Variants in IMMP2L observed in about 807,000 individuals in gnomAD.
The protein encoded by IMMP2L is mitochondrial inner membrane protease subunit 2.
In IMMP2L, 18 loss-of-function variants were observed where a neutral mutation model predicts 19.3. The observed-to-expected ratio is 0.93, with a 90% CI of 0.64 to 1.38. The LOEUF is 1.38. Among genes scored for constraint, IMMP2L ranks in the 40% most tolerant of loss-of-function variants. IMMP2L has a pLI of 0.00. For synonymous variants in IMMP2L, 76 were observed against 73.0 expected (o/e 1.04, Z -0.21); for missense variants, 233 against 218.2 (o/e 1.07, Z -0.43).
chr7:110,778,591 C>G (rs1374400485), intron 5 of IMMP2L, among the ~76,000 whole-genome samples: 1 of 151,938 alleles, frequency 6.6e-6, no homozygotes, highest in Non-Finnish European at 1.5e-5. Context: ...TCAGAAAGCT[C>G]TAGGACAGCT....
At position 110,963,563 on chromosome 7, in the gene IMMP2L, G is replaced by T; in HGVS notation, c.242C>A (p.Ser81Tyr). 19 of 1,576,366 alleles carry T rather than the reference G, an allele frequency of 1.2e-5. No homozygotes were observed. The highest frequency in any genetic ancestry group is 1.7e-5 in the Non-Finnish European group (19 of 1,149,282). ...VHRGDIVSLV[S>Y]PKNPEQKIIK... ...GATCTTCTGTTCTGGGTTTTTAGGA[G>T]ACCTAGAACAAGAAGATAACATTAT... The change falls in exon 4 of 6, where the codon TCT becomes TAT. Residue 81 changes from serine (S) to tyrosine (Y), a missense_variant and splice_region_variant. Ser to Tyr is a moderately radical substitution (Grantham distance 144). Coordinates refer to ENST00000405709, the MANE Select transcript of IMMP2L (RefSeq NM_032549.4).
intron 3 of IMMP2L, among the ~76,000 whole-genome samples, chr7:111,222,871 C>T (rs961826734): frequency 6.6e-6 from 1 of 151,844 alleles, no homozygotes; most frequent in Non-Finnish European, 1.5e-5. Context: ...GGGAAGTATA[C>T]ATAACAATGT....
At chr7:111,356,272 T>C (rs1828688438) in intron 3 of IMMP2L, among the ~76,000 whole-genome samples, 1 of 152,002 alleles carries the variant, frequency 6.6e-6, no homozygotes, top group African/African-American at 2.4e-5. Context: ...CAACCAAGGA[T>C]TGAAAATATT....
intron 4 of IMMP2L, 33 bp downstream of exon 4, chr7:110,963,467 A>G (rs2129555582): frequency 6.8e-7 from 1 of 1,463,782 alleles, no homozygotes; most frequent in Admixed American, 1.8e-5. Context: ...AGATATTTAA[A>G]ACTTGAACTC....
chr7:111,445,141 C>G (rs1423932376), intron 3 of IMMP2L, among the ~76,000 whole-genome samples: 1 of 151,898 alleles, frequency 6.6e-6, no homozygotes, highest in African/African-American at 2.4e-5. Flanking sequence ...TATCCTTTCC[C>G]ATCTCTCTTC....
At chr7:111,337,081 G>A (rs987823966) in intron 3 of IMMP2L, among the ~76,000 whole-genome samples, 4 of 151,592 alleles carry the variant, frequency 2.6e-5, no homozygotes, top group Admixed American at 1.3e-4. Flanking sequence ...CTGAATATTC[G>A]GCCTTCAGAA....
chr7:111,169,650 A>T (rs1806214511), intron 3 of IMMP2L, among the ~76,000 whole-genome samples: 1 of 151,822 alleles, frequency 6.6e-6, no homozygotes, highest in South Asian at 2.1e-4. Flanking sequence ...TGTCCAGAGT[A>T]CCCTGCTTTA....
intron 5 of IMMP2L, among the ~76,000 whole-genome samples, chr7:110,766,581 T>TAAAA (rs772192515): frequency 3.1e-5 from 3 of 96,784 alleles, no homozygotes; most frequent in Non-Finnish European, 4.2e-5. Flanking sequence ...AGACTTCATT[T>TAAAA]AAAAAAAAAA....
chr7:111,233,608 T>C (rs1012121793), intron 3 of IMMP2L, among the ~76,000 whole-genome samples: 6 of 152,130 alleles, frequency 3.9e-5, no homozygotes, highest in Admixed American at 6.6e-5. Context: ...TGTTATTAAT[T>C]GCCAAAATAC....
intron 4 of IMMP2L, among the ~76,000 whole-genome samples, chr7:110,951,336 T>C (rs1377451715): frequency 6.6e-6 from 1 of 152,128 alleles, no homozygotes; most frequent in Non-Finnish European, 1.5e-5. Flanking sequence ...TTCTTCCAAC[T>C]TTACAATTTA....
chr7:111,195,266 T>C (rs1478012238), intron 3 of IMMP2L, among the ~76,000 whole-genome samples: 1 of 152,174 alleles, frequency 6.6e-6, no homozygotes, highest in Admixed American at 6.5e-5. Flanking sequence ...CTAAATCCCA[T>C]TAATATTTTT....
At chr7:111,494,018 A>T (rs1165421142) in intron 2 of IMMP2L, among the ~76,000 whole-genome samples, 1 of 152,180 alleles carries the variant, frequency 6.6e-6, no homozygotes, top group Non-Finnish European at 1.5e-5. Context: ...AATATAGAGC[A>T]AGCAATTTTT....
At chr7:111,298,309 A>T (rs1821839742) in intron 3 of IMMP2L, among the ~76,000 whole-genome samples, 1 of 152,146 alleles carries the variant, frequency 6.6e-6, no homozygotes, top group Admixed American at 6.6e-5. Flanking sequence ...CCCTTGGGCA[A>T]ATTACTTAAT....
chr7:110,963,100 CAA>C (rs1228897656), intron 4 of IMMP2L: 7 of 1,514,410 alleles, frequency 4.6e-6, no homozygotes, highest in African/African-American at 2.8e-5. Flanking sequence ...TCTATGAGTA[CAA>C]AAGAGTCCTC....
chr7:111,430,633 G>A (rs769963305), intron 3 of IMMP2L, among the ~76,000 whole-genome samples: 3 of 151,774 alleles, frequency 2.0e-5, no homozygotes, highest in Non-Finnish European at 4.4e-5. Context: ...GAAAAGTGGT[G>A]TGATAACTAT....
Position 111,044,929 on chromosome 7 carries a change from T to C in IMMP2L, c.240-81364A>G, listed in dbSNP as rs183103916. The stretch of plus-strand genomic sequence containing the variant: ...TAATTTATTTATACACTGCCTGGAC[T>C]TAAGGCAGCTAACAGAGCTGTGAAA... On this transcript the variant is annotated intron_variant, in intron 3 of 5. Coordinates refer to ENST00000405709, the MANE Select transcript of IMMP2L (RefSeq NM_032549.4). Among the ~76,000 whole-genome samples the C allele has an allele frequency of 5.7e-3, 865 of 152,176 alleles. 1 individual carries two copies. The highest frequency in any genetic ancestry group is 9.0e-3 in the Non-Finnish European group (615 of 67,996).
At chr7:111,270,634 T>C (rs563384208) in intron 3 of IMMP2L, among the ~76,000 whole-genome samples, 2 of 152,272 alleles carry the variant, frequency 1.3e-5, no homozygotes, top group African/African-American at 4.8e-5. Context: ...CCAAATAGCA[T>C]CCTACCCTTT....
chr7:110,850,868 G>A (rs1806144565), intron 5 of IMMP2L, among the ~76,000 whole-genome samples: 1 of 151,604 alleles, frequency 6.6e-6, no homozygotes, highest in South Asian at 2.1e-4. Flanking sequence ...TCATAATCTA[G>A]ATAGCAAGTC....
intron 4 of IMMP2L, among the ~76,000 whole-genome samples, chr7:110,888,302 A>G (rs1295609865): frequency 6.6e-6 from 1 of 152,210 alleles, no homozygotes; most frequent in Admixed American, 6.5e-5. Context: ...TTATTATTAG[A>G]TTGCCTCTAA....
Sources: gnomAD v4.1 joint callset for allele counts (sites outside exome capture counted in the v4.1 genomes callset) on GRCh38, gnomAD v4.1.1 for gene constraint, MANE v1.5 for transcripts, NCBI Gene and HGNC (gene_info 2026-07-23, HGNC 2026-07-21) for gene names.